Variants in KCNIP1 observed in about 807,000 individuals in gnomAD.
The protein encoded by KCNIP1 is A-type potassium channel modulatory protein KCNIP1.
Under a neutral mutation model 33.0 loss-of-function variants are expected in KCNIP1, and 18 were observed. That is an observed-to-expected ratio of 0.55 (90% CI 0.38 to 0.81). KCNIP1 has a LOEUF of 0.81. Ranked by LOEUF, KCNIP1 falls within the 30% of genes least tolerant of loss-of-function variation. KCNIP1 has a pLI of 0.00. For synonymous variants in KCNIP1, 93 were observed against 98.3 expected (o/e 0.95, Z 0.32); for missense variants, 238 against 271.6 (o/e 0.88, Z 0.87).
intron 1 of KCNIP1, among the ~76,000 whole-genome samples, chr5:170,614,097 G>T (rs1056382144): frequency 6.6e-6 from 1 of 152,220 alleles, no homozygotes; most frequent in Non-Finnish European, 1.5e-5. Flanking sequence ...GGTTCATCTG[G>T]CTGTGTCACA....
At position 170,681,008 on chromosome 5, in the gene KCNIP1, C is replaced by G. The variant is rs112567080; in HGVS notation, c.62-37750C>G. 6.2e-3 allele frequency: 2,469 copies of G among 399,164 alleles called. 48 individuals carry two copies. Among genetic ancestry groups the G allele is most frequent in the African/African-American group, 0.043 (2,116 of 48,694 alleles). The allele number at this position is 399,164 out of a possible 1,614,324, so 24.7% of individuals were successfully genotyped here. On this transcript the variant is annotated intron_variant, in intron 1 of 7. Transcript: ENST00000328939. ...AACAGCAGGAAGGGAGGCTTGGAAGCCTGGTTTTCTGGCTTTGAATGACCG... is the reference window on the plus strand; with the variant it reads ...AACAGCAGGAAGGGAGGCTTGGAAGGCTGGTTTTCTGGCTTTGAATGACCG...
chr5:170,361,067 T>A (rs933278243), intron 1 of KCNIP1, among the ~76,000 whole-genome samples: 6 of 152,192 alleles, frequency 3.9e-5, no homozygotes, highest in African/African-American at 1.4e-4. Context: ...CCTGCCCCCA[T>A]TCCGCTCTCA....
Position 170,735,951 on chromosome 5 carries a change from C to T in KCNIP1, c.*145C>T. ...CTTTGGAAGAATTCTCTGCTGAAGA[C>T]TTTCTATGGAACCCAGCATCATGTG... On this transcript the variant is annotated 3_prime_UTR_variant, in exon 8 of 8. Coordinates refer to ENST00000328939, the MANE Select transcript of KCNIP1 (RefSeq NM_014592.4). The T allele has an allele frequency of 1.5e-6, 1 of 664,294 alleles. No individual in the cohort carries two copies. Among genetic ancestry groups the T allele is most frequent in the Non-Finnish European group, 2.6e-6 (1 of 381,608 alleles). 41.1% of individuals were successfully genotyped at this position (664,294 alleles called of 1,614,324 possible). A position where few individuals can be genotyped will look rare whatever the true frequency, so the allele number is the denominator to read the frequency against.
chr5:170,467,644 G>A lies in KCNIP1; in HGVS notation c.88+113680G>A, dbSNP rs1290774503. Among the ~76,000 whole-genome samples the A allele has an allele frequency of 2.6e-5, 4 of 152,250 alleles. No individual in the cohort carries two copies. The South Asian group carries it at 6.2e-4, about 24-fold the overall frequency. On this transcript the variant is annotated intron_variant, in intron 1 of 7. Transcript: ENST00000377360. The stretch of plus-strand genomic sequence containing the variant: ...ATTTAGAACTAAGTATAGGCTGGGC[G>A]CGGTGGCTCACGCCTGTAATCCCAG...
At chr5:170,700,847 G>A (rs999826983) in intron 1 of KCNIP1, among the ~76,000 whole-genome samples, 15 of 152,272 alleles carry the variant, frequency 9.9e-5, no homozygotes, top group East Asian at 5.8e-4. Flanking sequence ...CACCCAACAC[G>A]CATCAGGAAG....
At chr5:170,552,378 G>A (rs1008319065) in intron 1 of KCNIP1, among the ~76,000 whole-genome samples, 1 of 152,196 alleles carries the variant, frequency 6.6e-6, no homozygotes, top group Non-Finnish European at 1.5e-5. Context: ...GTGGGCATGG[G>A]TCAGACAATG....
chr5:170,732,663 C>G (rs759578858), intron 5 of KCNIP1, 137 bp from the exon 6 acceptor site: 5 of 600,444 alleles, frequency 8.3e-6, no homozygotes, highest in African/African-American at 3.7e-5. Context: ...TTCTAACTCC[C>G]TATCACCTGC....
At chr5:170,609,074 C>T (rs12514116) in intron 1 of KCNIP1, among the ~76,000 whole-genome samples, 29,561 of 152,026 alleles carry the variant, frequency 0.19, 3,095 homozygotes, top group Middle Eastern at 0.3. Flanking sequence ...TCCTCAGAAT[C>T]ACGTGCTCTG....
intron 1 of KCNIP1, among the ~76,000 whole-genome samples, chr5:170,633,068 T>A (rs1760121804): frequency 6.6e-6 from 1 of 152,098 alleles, no homozygotes; most frequent in Middle Eastern, 3.2e-3. Flanking sequence ...AAGGACATCC[T>A]CCTTTGAGCA....
chr5:170,427,095 C>T lies in KCNIP1; in HGVS notation c.88+73131C>T, dbSNP rs182782447. ...GCTGCAGGTTCCCTGCTTTCTGCTA[C>T]AACACAGGGTAGGGGAGAGTCATGG... On this transcript the variant is annotated intron_variant, in intron 1 of 7. Transcript: ENST00000377360. Among the ~76,000 whole-genome samples, 39 of 152,360 alleles carry T rather than the reference C, an allele frequency of 2.6e-4. No homozygotes were observed. In the East Asian group the frequency reaches 6.8e-3, roughly 26 times the overall value.
chr5:170,453,000 G>A (rs1471051180), intron 1 of KCNIP1, among the ~76,000 whole-genome samples: 1 of 152,170 alleles, frequency 6.6e-6, no homozygotes, highest in Non-Finnish European at 1.5e-5. Flanking sequence ...TGAGGAACAG[G>A]ATTATTACTG....
intron 1 of KCNIP1, among the ~76,000 whole-genome samples, chr5:170,643,105 A>G (rs1197090798): frequency 6.6e-6 from 1 of 152,250 alleles, no homozygotes; most frequent in East Asian, 1.9e-4. Flanking sequence ...AAGTGTCTTC[A>G]TAAGAGGAAG....
chr5:170,693,751 C>T (rs1366304800), intron 1 of KCNIP1, among the ~76,000 whole-genome samples: 3 of 152,230 alleles, frequency 2.0e-5, no homozygotes, highest in South Asian at 4.1e-4. Flanking sequence ...TGTCATATCA[C>T]GTGAGCTGCA....
At chr5:170,515,998 G>A (rs909351674) in intron 1 of KCNIP1, among the ~76,000 whole-genome samples, 1 of 152,150 alleles carries the variant, frequency 6.6e-6, no homozygotes, top group Non-Finnish European at 1.5e-5. Flanking sequence ...CAACAAGAAG[G>A]GGAAAGAAAT....
chr5:170,647,292 G>A (rs1760822769), intron 1 of KCNIP1, among the ~76,000 whole-genome samples: 1 of 152,082 alleles, frequency 6.6e-6, no homozygotes, highest in South Asian at 2.1e-4. Context: ...AGTTTACAGA[G>A]AGAGGCAAAG....
At chr5:170,676,470 T>C (rs1379861630) in intron 1 of KCNIP1, among the ~76,000 whole-genome samples, 2 of 152,214 alleles carry the variant, frequency 1.3e-5, no homozygotes, top group Non-Finnish European at 2.9e-5. Flanking sequence ...AGCTCTGAGA[T>C]GGTGCTCTGA....
chr5:170,362,125 G>T (rs1317708921), intron 1 of KCNIP1, among the ~76,000 whole-genome samples: 1 of 152,184 alleles, frequency 6.6e-6, no homozygotes, highest in Non-Finnish European at 1.5e-5. Flanking sequence ...ATTTTATTTA[G>T]TGCACATGAG....
intron 1 of KCNIP1, among the ~76,000 whole-genome samples, chr5:170,552,155 A>G (rs2113422244): frequency 6.6e-6 from 1 of 152,266 alleles, no homozygotes; most frequent in South Asian, 2.1e-4. Context: ...CATTTGTCAC[A>G]GGTCTCTCAA....
At chr5:170,535,257 A>G (rs1158473464) in intron 1 of KCNIP1, among the ~76,000 whole-genome samples, 4 of 152,156 alleles carry the variant, frequency 2.6e-5, no homozygotes, top group African/African-American at 9.7e-5. Flanking sequence ...GACACACTGG[A>G]AGGACGTTCT....
Sources: gnomAD v4.1 joint callset for allele counts (sites outside exome capture counted in the v4.1 genomes callset) on GRCh38, gnomAD v4.1.1 for gene constraint, MANE v1.5 for transcripts, NCBI Gene and HGNC (gene_info 2026-07-23, HGNC 2026-07-21) for gene names.